Variants in PRAG1 observed in about 807,000 individuals in gnomAD.
The protein encoded by PRAG1 is PEAK1 related, kinase-activating pseudokinase 1.
A neutral mutation model predicts 95.6 loss-of-function variants in PRAG1; 110 were observed. The ratio of observed to expected loss-of-function variants is 1.15; its 90% CI spans 0.99 to 1.35. PRAG1 has a LOEUF of 1.35. Ranked by LOEUF, PRAG1 falls within the 40% of genes most tolerant of loss-of-function variation. The pLI is 0.00. For missense variants in PRAG1, 2,554 were observed against 1,864.7 expected, an observed-to-expected ratio of 1.37 and a Z score of -6.81; for synonymous variants, 1,052 against 819.4, an observed-to-expected ratio of 1.28 and a Z score of -4.85.
intron 2 of PRAG1, among the ~76,000 whole-genome samples, chr8:8,380,435 C>T (rs1474452930): frequency 2.0e-5 from 3 of 151,658 alleles, no homozygotes; most frequent in Non-Finnish European, 4.4e-5. Context: ...CTCGTCTCTA[C>T]TAAAAATACA....
At chr8:8,330,803 C>T (rs1798796218) in intron 4 of PRAG1, among the ~76,000 whole-genome samples, 1 of 152,104 alleles carries the variant, frequency 6.6e-6, no homozygotes, top group Non-Finnish European at 1.5e-5. Flanking sequence ...GATTCACTTC[C>T]TCTCCCTCCT....
At chr8:8,372,874 C>T (rs894406830) in intron 3 of PRAG1, among the ~76,000 whole-genome samples, 2 of 152,180 alleles carry the variant, frequency 1.3e-5, no homozygotes, top group Non-Finnish European at 2.9e-5. Flanking sequence ...CCCGTTCTTC[C>T]ATAATGACCT....
chr8:8,334,311 C>T (rs563667633), intron 4 of PRAG1, among the ~76,000 whole-genome samples: 19 of 151,906 alleles, frequency 1.3e-4, no homozygotes, highest in Non-Finnish European at 1.9e-4. Flanking sequence ...GTGGTGTGTG[C>T]CTGTAATCCC....
intron 3 of PRAG1, among the ~76,000 whole-genome samples, chr8:8,348,963 C>G (rs547687797): frequency 2.0e-5 from 3 of 152,152 alleles, no homozygotes; most frequent in Non-Finnish European, 4.4e-5. Context: ...ACAGTGGCAT[C>G]TGGGAGAATA....
In PRAG1 at chr8:8,352,017, T is replaced by C. The variant is rs551772123; in HGVS notation, c.2163-12382A>G. 1.2e-4 allele frequency among the ~76,000 whole-genome samples: 18 copies of C among 152,324 alleles called. No individual in the cohort carries two copies. The South Asian group carries it at 3.5e-3, about 30-fold the overall frequency. On this transcript the variant is annotated intron_variant, in intron 3 of 5. Transcript: ENST00000615670. Reference sequence around the variant, plus strand: ...CAGAATCTTTGTGTTTCTAGACTAATGGTTTTGGTGACCTTGCTTTCAGAA... The same window carrying C: ...CAGAATCTTTGTGTTTCTAGACTAACGGTTTTGGTGACCTTGCTTTCAGAA...
chr8:8,362,644 CCA>C (rs1799879024), intron 3 of PRAG1, among the ~76,000 whole-genome samples: 1 of 152,182 alleles, frequency 6.6e-6, no homozygotes, highest in African/African-American at 2.4e-5. Flanking sequence ...TTCCTCGGTG[CCA>C]CAAAGAAGAA....
rs530338478 is a variant in PRAG1, at chr8:8,376,976, G to A, written c.1433C>T (p.Ala478Val). Residue 478 changes from alanine (A) to valine (V), a missense_variant, in exon 3 of 6, where the codon GCG (alanine) becomes GTG (valine). Ala to Val is a moderately conservative substitution (Grantham distance 64). Transcript: ENST00000615670. ...PQVSATITVMAAHPEEDHRTI... is the reference protein window; with the variant it reads ...PQVSATITVMVAHPEEDHRTI... ...CCGATGGTCCTCTTCCGGGTGGGCC[G>A]CCATGACTGTGATGGTGGCTGACAC... is the stretch of plus-strand genomic sequence containing the variant. The A allele has an allele frequency of 3.4e-5, 55 of 1,613,538 alleles. No homozygotes were observed. The highest frequency in any genetic ancestry group is 1.7e-4 in the Middle Eastern group (1 of 6,060).
At chr8:8,379,239 A>C (rs557849629) in intron 2 of PRAG1, among the ~76,000 whole-genome samples, 7 of 152,332 alleles carry the variant, frequency 4.6e-5, no homozygotes, top group African/African-American at 1.7e-4. Context: ...CGCCTACAGC[A>C]GTGACCTCAG....
intron 5 of PRAG1, among the ~76,000 whole-genome samples, chr8:8,325,232 GC>G (rs911997189): frequency 4.6e-5 from 7 of 152,178 alleles, no homozygotes; most frequent in African/African-American, 1.2e-4. Context: ...CCCACGGCCC[GC>G]CCCCCCAATG....
intron 3 of PRAG1, among the ~76,000 whole-genome samples, chr8:8,347,751 G>C (rs1207283681): frequency 6.6e-6 from 1 of 151,958 alleles, no homozygotes; most frequent in Non-Finnish European, 1.5e-5. Context: ...CCCTGTGCTT[G>C]AACAAACCTG....
At chr8:8,383,977 T>C (rs1417750004) in intron 1 of PRAG1, among the ~76,000 whole-genome samples, 1 of 152,178 alleles carries the variant, frequency 6.6e-6, no homozygotes. Context: ...CTACACCTTC[T>C]AGGCCACAGA....
intron 3 of PRAG1, among the ~76,000 whole-genome samples, chr8:8,365,414 A>T (rs1020637518): frequency 5.3e-5 from 8 of 152,094 alleles, no homozygotes; most frequent in African/African-American, 1.9e-4. Context: ...ACCTGAGGTC[A>T]GGAGTTCGAG....
chr8:8,353,786 G>C (rs1430529364), intron 3 of PRAG1, among the ~76,000 whole-genome samples: 2 of 152,006 alleles, frequency 1.3e-5, no homozygotes, highest in East Asian at 3.9e-4. Context: ...TAGCCTGAGT[G>C]ACAGAGTGAG....
chr8:8,377,793 T>G lies in PRAG1; in HGVS notation c.616A>C (p.Ser206Arg), dbSNP rs746819355. 10 of 1,614,084 alleles carry G rather than the reference T, an allele frequency of 6.2e-6. No individual in the cohort carries two copies. The South Asian group carries it at 1.1e-4, about 18-fold the overall frequency. ...PYQDRPSTQE[S>R]FRQKLAAFAG... ...AAGGCAGCCAGTTTCTGGCGGAAGC[T>G]CTCCTGGGTGGAGGGCCGGTCTTGG... Residue 206 changes from serine (S) to arginine (R), a missense_variant, in exon 3 of 6, where the codon AGC becomes CGC. Transcript: ENST00000615670.
In PRAG1 at chr8:8,358,010, T is replaced by C. The variant is rs78651307; in HGVS notation, c.2162+18237A>G. On this transcript the variant is annotated intron_variant, in intron 3 of 5. Coordinates refer to ENST00000615670, the MANE Select transcript of PRAG1 (RefSeq NM_001080826.3). The stretch of plus-strand genomic sequence containing the variant: ...AATTCTGACACTATCTACCTAGAGG[T>C]AGAGTCAGATCCCACAGGTTGAGGG... 3.9e-5 allele frequency among the ~76,000 whole-genome samples: 6 copies of C among 152,242 alleles called. No individual in the cohort carries two copies. In the East Asian group the frequency reaches 1.2e-3, roughly 29 times the overall value.
intron 4 of PRAG1, among the ~76,000 whole-genome samples, chr8:8,336,955 G>A (rs568175751): frequency 4.9e-5 from 6 of 121,704 alleles, no homozygotes; most frequent in African/African-American, 1.9e-4. Context: ...ACTAACTTTA[G>A]CCATTAACGC....
intron 4 of PRAG1, 141 bp downstream of exon 4, chr8:8,339,337 C>T: frequency 1.1e-6 from 1 of 870,522 alleles, no homozygotes; most frequent in Non-Finnish European, 1.7e-6. Context: ...TTCAACAGCT[C>T]CCTGGAAGAG....
At chr8:8,346,129 C>T (rs137960518) in intron 3 of PRAG1, among the ~76,000 whole-genome samples, 1 of 152,168 alleles carries the variant, frequency 6.6e-6, no homozygotes, top group African/African-American at 2.4e-5. Flanking sequence ...GTACTCAATG[C>T]GGTATAACAA....
At chr8:8,336,492 G>T (rs1470461969) in intron 4 of PRAG1, among the ~76,000 whole-genome samples, 1 of 152,184 alleles carries the variant, frequency 6.6e-6, no homozygotes, top group East Asian at 1.9e-4. Context: ...GCACTGAGTT[G>T]ACTGGCTGTT....
Sources: allele counts gnomAD v4.1 joint callset (sites outside exome capture counted in the v4.1 genomes callset), GRCh38; gene constraint gnomAD v4.1.1; transcripts MANE v1.5; gene names NCBI Gene and HGNC (gene_info 2026-07-23, HGNC 2026-07-21).